MBOAT2: variants seen among roughly 807,000 people sequenced by gnomAD.
MBOAT2 encodes membrane-bound glycerophospholipid O-acyltransferase 2.
Under a neutral mutation model 63.4 loss-of-function variants are expected in MBOAT2, and 28 were observed. The observed-to-expected ratio is 0.44, with a 90% CI of 0.33 to 0.61. MBOAT2 has a LOEUF of 0.61. MBOAT2 is among the 20% of genes least tolerant of loss of function. MBOAT2 has a pLI of 0.03. For synonymous variants in MBOAT2, 211 were observed against 215.6 expected (o/e 0.98, Z 0.19); for missense variants, 470 against 605.8 (o/e 0.78, Z 2.35).
chr2:8,911,391 T>C (rs1665698175), intron 3 of MBOAT2, among the ~76,000 whole-genome samples: 3 of 152,212 alleles, frequency 2.0e-5, no homozygotes, highest in Admixed American at 2.0e-4. Flanking sequence ...CTGGCTGTTT[T>C]TCAAGACTGC....
intron 3 of MBOAT2, among the ~76,000 whole-genome samples, chr2:8,919,420 G>A (rs1365810030): frequency 6.6e-6 from 1 of 152,098 alleles, no homozygotes; most frequent in Non-Finnish European, 1.5e-5. Context: ...CATTCTAGTG[G>A]ATATATAGTT....
At chr2:8,918,930 C>T (rs568659014) in intron 3 of MBOAT2, among the ~76,000 whole-genome samples, 1 of 152,100 alleles carries the variant, frequency 6.6e-6, no homozygotes, top group African/African-American at 2.4e-5. Context: ...GTACCCTCAA[C>T]CCTAGGCAAC....
At position 8,883,797 on chromosome 2, in the gene MBOAT2, C is replaced by T. The variant is rs186837821; in HGVS notation, c.452-1232G>A. ...TGACAAGGATCATCACAACTTTATA[C>T]GTAATAGCAGAAAAAAAGTAACAAC... On this transcript the variant is annotated intron_variant, in intron 5 of 12. Coordinates refer to ENST00000305997, the MANE Select transcript of MBOAT2 (RefSeq NM_138799.4). Among the ~76,000 whole-genome samples, 49 of 151,956 alleles carry T rather than the reference C, an allele frequency of 3.2e-4. 1 individual carries two copies. In the East Asian group the frequency reaches 8.5e-3, roughly 26 times the overall value.
At position 8,855,856 on chromosome 2, in the gene MBOAT2, G is replaced by C. The variant is rs1232476126; in HGVS notation, c.*2823C>G. On this transcript the variant is annotated 3_prime_UTR_variant, in exon 13 of 13. Transcript: ENST00000305997. The stretch of plus-strand genomic sequence containing the variant: ...TTGATCATCTCTAGAGTGATTTCAT[G>C]ATACCTGAATAGTGGAAAATATAAA... The C allele has an allele frequency of 6.6e-6, 1 of 152,082 alleles. No homozygotes were observed. Among genetic ancestry groups the C allele is most frequent in the Non-Finnish European group, 1.5e-5 (1 of 68,012 alleles). The allele number at this position is 152,082 out of a possible 1,614,324, so 9.4% of individuals were successfully genotyped here.
At chr2:8,866,909 G>A (rs747275243) in intron 9 of MBOAT2, among the ~76,000 whole-genome samples, 1 of 152,090 alleles carries the variant, frequency 6.6e-6, no homozygotes, top group Non-Finnish European at 1.5e-5. Context: ...ATGGCATCCC[G>A]TCTCGGGCAC....
At position 8,853,156 on chromosome 2, in the gene MBOAT2, A is replaced by C. The variant is rs879345630; in HGVS notation, c.*5523T>G. ...CACACATTTTCACTCTGTATATGGA[A>C]GAATTTCTCACTTCACCTGAATGAT... On this transcript the variant is annotated 3_prime_UTR_variant, in exon 13 of 13. Transcript: ENST00000305997. 1 of 152,222 alleles carries C rather than the reference A, an allele frequency of 6.6e-6. No homozygotes were observed. The highest frequency in any genetic ancestry group is 1.5e-5 in the Non-Finnish European group (1 of 68,034). 9.4% of individuals were successfully genotyped at this position (152,222 alleles called of 1,614,324 possible). A position where few individuals can be genotyped will look rare whatever the true frequency, so the allele number is the denominator to read the frequency against.
intron 3 of MBOAT2, among the ~76,000 whole-genome samples, chr2:8,942,913 T>C (rs1470335605): frequency 6.6e-6 from 1 of 152,194 alleles, no homozygotes; most frequent in East Asian, 1.9e-4. Context: ...TACTGGCATC[T>C]AGGTGGTAAA....
In MBOAT2 at chr2:8,858,685, C is replaced by T. The variant is rs1462773487; in HGVS notation, c.1557G>A (p.Lys519=). 1.2e-6 allele frequency: 2 copies of T among 1,608,434 alleles called. No individual in the cohort carries two copies. The highest frequency in any genetic ancestry group is 1.3e-5 in the African/African-American group (1 of 74,576). Residue 519 remains lysine, a synonymous_variant, in exon 13 of 13, where the codon AAG becomes AAA. Transcript: ENST00000305997. Reference sequence around the variant, plus strand: ...GCCCTCAGAGCCTTCCCGATCACTGCTTTAGTGATGAATGTCTCGAGGCTA... The same window carrying T: ...GCCCTCAGAGCCTTCCCGATCACTGTTTTAGTGATGAATGTCTCGAGGCTA... ...QEIASRHSSL[K]Q is the part of the protein sequence containing the mutation.
rs773079330 is a variant in MBOAT2, at chr2:9,003,490, G to A, written c.75+50C>T. On this transcript the variant is annotated intron_variant, in intron 1 of 12. Coordinates refer to ENST00000305997, the MANE Select transcript of MBOAT2 (RefSeq NM_138799.4). The surrounding 1 kb of genome is among the most constrained non-coding windows in gnomAD (Gnocchi z 5.4). ...CCCCCGGTCGGGTGGCACCGCGGCG[G>A]GGAGGGGCGGCGAGGGCGCGACGCC... The A allele has an allele frequency of 5.1e-5, 58 of 1,141,146 alleles. No homozygotes were observed. In the African/African-American group the frequency reaches 7.9e-4, roughly 15 times the overall value. 70.7% of individuals were successfully genotyped at this position (1,141,146 alleles called of 1,614,324 possible).
rs571582931 is a variant in MBOAT2, at chr2:8,951,085, C to T, written c.221+7412G>A. 1.2e-3 allele frequency among the ~76,000 whole-genome samples: 178 copies of T among 152,152 alleles called. 1 individual carries two copies. The highest frequency in any genetic ancestry group is 4.1e-3 in the African/African-American group (171 of 41,510). On this transcript the variant is annotated intron_variant, in intron 2 of 12. Coordinates refer to ENST00000305997, the MANE Select transcript of MBOAT2 (RefSeq NM_138799.4). ...GTCAGGGATATTGGCCTGTAGTTTT[C>T]TTTCTTTGTTGTGTCTGCCAGGTTT...
At chr2:8,957,977 A>G (rs761151877) in intron 2 of MBOAT2, among the ~76,000 whole-genome samples, 1 of 152,208 alleles carries the variant, frequency 6.6e-6, no homozygotes, top group Non-Finnish European at 1.5e-5. Flanking sequence ...ACCAACATCC[A>G]TTTGAAAAGT....
Position 8,945,268 on chromosome 2 carries a change from C to T in MBOAT2, c.222-2004G>A, listed in dbSNP as rs1160313930. Reference sequence around the variant, plus strand: ...GCATTTACCTCTATCTCACTGACCTCCACAACAAGCATTCAGTTGCTTTTC... The same window carrying T: ...GCATTTACCTCTATCTCACTGACCTTCACAACAAGCATTCAGTTGCTTTTC... On this transcript the variant is annotated intron_variant, in intron 2 of 12. Coordinates refer to ENST00000305997, the MANE Select transcript of MBOAT2 (RefSeq NM_138799.4). Among the ~76,000 whole-genome samples the T allele has an allele frequency of 4.6e-5, 7 of 152,256 alleles. No individual in the cohort carries two copies. The East Asian group carries it at 1.4e-3, about 29-fold the overall frequency.
chr2:8,968,373 A>G (rs1381408370), intron 1 of MBOAT2, among the ~76,000 whole-genome samples: 1 of 152,232 alleles, frequency 6.6e-6, no homozygotes, highest in African/African-American at 2.4e-5. Context: ...CCAAAACCCC[A>G]TCTGTATGTC....
intron 3 of MBOAT2, among the ~76,000 whole-genome samples, chr2:8,930,243 T>C (rs985923984): frequency 2.6e-5 from 4 of 152,238 alleles, no homozygotes; most frequent in African/African-American, 9.6e-5. Context: ...TGCACGTACT[T>C]CCCACCTTAA....
intron 11 of MBOAT2, among the ~76,000 whole-genome samples, chr2:8,861,627 C>T (rs1252364180): frequency 6.6e-6 from 1 of 152,148 alleles, no homozygotes; most frequent in Non-Finnish European, 1.5e-5. Context: ...CATTTTCTTC[C>T]CCATTATACT....
intron 1 of MBOAT2, among the ~76,000 whole-genome samples, chr2:8,960,063 G>A (rs1669505377): frequency 6.6e-6 from 1 of 152,144 alleles, no homozygotes; most frequent in African/African-American, 2.4e-5. Context: ...AGAAACAATT[G>A]TTCTTTAAAA....
chr2:8,985,005 A>G (rs903500297), intron 1 of MBOAT2, among the ~76,000 whole-genome samples: 1 of 152,206 alleles, frequency 6.6e-6, no homozygotes. Context: ...CAGCTTGTTC[A>G]GAGGCCTCCC....
At chr2:8,940,170 C>A (rs1200586297) in intron 3 of MBOAT2, among the ~76,000 whole-genome samples, 1 of 151,870 alleles carries the variant, frequency 6.6e-6, no homozygotes, top group African/African-American at 2.4e-5. Flanking sequence ...TACGTCTTAA[C>A]GGGGGATAGA....
chr2:8,912,351 G>GAAAGAAAA (rs1553362293), intron 3 of MBOAT2, among the ~76,000 whole-genome samples: 1 of 69,872 alleles, frequency 1.4e-5, no homozygotes, highest in African/African-American at 6.0e-5. Flanking sequence ...AAGAAAGAAA[G>GAAAGAAAA]AGAAAGAAAG....
Sources: allele counts gnomAD v4.1 joint callset (sites outside exome capture counted in the v4.1 genomes callset), GRCh38; gene constraint gnomAD v4.1.1; non-coding constraint Gnocchi (gnomAD v3.1); transcripts MANE v1.5; gene names NCBI Gene and HGNC (gene_info 2026-07-23, HGNC 2026-07-21).